ARHGAP42: variants seen among roughly 807,000 people sequenced by gnomAD.
The protein encoded by ARHGAP42 is Rho GTPase activating protein 42, also known as rho GTPase-activating protein 42.
In ARHGAP42, 63 loss-of-function variants were observed where a neutral mutation model predicts 125.0. The observed-to-expected ratio is 0.50, with a 90% CI of 0.41 to 0.62. The LOEUF (loss-of-function observed/expected upper bound fraction) is 0.62, where lower values mean the gene tolerates loss of function less well. ARHGAP42 is among the 20% of genes least tolerant of loss of function. ARHGAP42 has a pLI of 0.00. For synonymous variants in ARHGAP42, 339 were observed against 351.0 expected (o/e 0.97, Z 0.38); for missense variants, 766 against 1,024.2 (o/e 0.75, Z 3.44).
chr11:100,779,557 C>CATACGTATAT (rs1160628506), intron 2 of ARHGAP42, among the ~76,000 whole-genome samples: 1 of 137,816 alleles, frequency 7.3e-6, no homozygotes, highest in Non-Finnish European at 1.5e-5. Context: ...TATACATATA[C>CATACGTATAT]ATACGTATAT....
intron 1 of ARHGAP42, among the ~76,000 whole-genome samples, chr11:100,712,822 CTG>C (rs1367351322): frequency 1.3e-5 from 2 of 152,138 alleles, no homozygotes; most frequent in African/African-American, 4.8e-5. Flanking sequence ...GAACAGTACT[CTG>C]TAAATAATTT....
chr11:100,815,007 A>C (rs1296963913), intron 3 of ARHGAP42, among the ~76,000 whole-genome samples: 1 of 152,214 alleles, frequency 6.6e-6, no homozygotes, highest in Non-Finnish European at 1.5e-5. Flanking sequence ...CATGGTGGAC[A>C]CTTCCCTTGG....
chr11:100,763,255 A>G lies in ARHGAP42; in HGVS notation c.155-7088A>G, dbSNP rs553162180. Among the ~76,000 whole-genome samples, 15 of 152,158 alleles carry G rather than the reference A, an allele frequency of 9.9e-5. No homozygotes were observed. In the South Asian group the frequency reaches 3.1e-3, roughly 32 times the overall value. On this transcript the variant is annotated intron_variant, in intron 1 of 23. Transcript: ENST00000298815. ...CTCGGCCTCCCAAAGTGCTGGGATT[A>G]TGGACGTGAGCCACTATGCCCAGCT...
intron 4 of ARHGAP42, among the ~76,000 whole-genome samples, chr11:100,861,016 A>G (rs1378864556): frequency 1.3e-5 from 2 of 152,210 alleles, no homozygotes; most frequent in African/African-American, 4.8e-5. Context: ...TTTCATGAAA[A>G]ACAGACATAG....
intron 3 of ARHGAP42, among the ~76,000 whole-genome samples, chr11:100,838,549 C>CA (rs1357876655): frequency 1.3e-5 from 2 of 151,640 alleles, no homozygotes; most frequent in East Asian, 3.9e-4. Context: ...TACAAAAAAT[C>CA]AAAAAAATTA....
chr11:100,827,645 G>A (rs1864555162), intron 3 of ARHGAP42, among the ~76,000 whole-genome samples: 1 of 152,250 alleles, frequency 6.6e-6, no homozygotes, highest in Non-Finnish European at 1.5e-5. Context: ...GGGGTAAGGT[G>A]TGGCTGGCCA....
At chr11:100,728,698 A>C (rs1861902487) in intron 1 of ARHGAP42, among the ~76,000 whole-genome samples, 1 of 138,298 alleles carries the variant, frequency 7.2e-6, no homozygotes, top group African/African-American at 2.7e-5. Flanking sequence ...AAGTGAAATT[A>C]TATGAATGAC....
At position 100,965,667 on chromosome 11, in the gene ARHGAP42, A is replaced by G. The variant is rs1591327183; in HGVS notation, c.1445-4A>G. On this transcript the variant is annotated splice_region_variant and splice_polypyrimidine_tract_variant and intron_variant, in intron 16 of 23. Coordinates refer to ENST00000298815, the MANE Select transcript of ARHGAP42 (RefSeq NM_152432.4). ...GAGCATTTGCAATCTTTTTTATGTA[A>G]CAGAATCTGATGATCAAAACTACAG... 6.5e-7 allele frequency: 1 copy of G among 1,549,566 alleles called. No homozygotes were observed. Among genetic ancestry groups the G allele is most frequent in the Non-Finnish European group, 8.7e-7 (1 of 1,146,516 alleles).
chr11:100,841,638 C>A (rs1295111897), intron 3 of ARHGAP42, among the ~76,000 whole-genome samples: 3 of 152,136 alleles, frequency 2.0e-5, no homozygotes, highest in Non-Finnish European at 4.4e-5. Flanking sequence ...CTCTATTTTC[C>A]ATTGCCTTCA....
rs532546626 is a variant in ARHGAP42, at chr11:100,781,264, TG to T, written c.250+10830del. Among the ~76,000 whole-genome samples the T allele has an allele frequency of 2.2e-3, 340 of 151,678 alleles. 2 individuals are homozygous for T. Among genetic ancestry groups the T allele is most frequent in the African/African-American group, 7.7e-3 (319 of 41,250 alleles). On this transcript the variant is annotated intron_variant, in intron 2 of 23. Transcript: ENST00000298815. Reference sequence around the variant, plus strand: ...TACTTTCTTTATGTACATGTGAGGGTGGGGAGGAACAACATGAACTGTTTTT... The same window carrying T: ...TACTTTCTTTATGTACATGTGAGGGTGGGAGGAACAACATGAACTGTTTTT...
rs1170187114 is a variant in ARHGAP42 at position 100,720,693 on chromosome 11, T to G, written c.154+32861T>G. On this transcript the variant is annotated intron_variant, in intron 1 of 23. Transcript: ENST00000298815. ...ATTGGTTGAGATAACCTTTTTTTTT[T>G]GAGAGCCTAACATTGACATGTAATA... 2.7e-5 allele frequency among the ~76,000 whole-genome samples: 4 copies of G among 150,008 alleles called. No individual in the cohort carries two copies. The East Asian group carries it at 5.8e-4, about 22-fold the overall frequency.
intron 1 of ARHGAP42, among the ~76,000 whole-genome samples, chr11:100,747,282 G>A (rs1862326708): frequency 6.6e-6 from 1 of 152,102 alleles, no homozygotes; most frequent in African/African-American, 2.4e-5. Context: ...TTAGTTTTTA[G>A]ACCAAAGAAA....
chr11:100,770,767 C>A (rs530185034), intron 2 of ARHGAP42, among the ~76,000 whole-genome samples: 45 of 152,328 alleles, frequency 3.0e-4, no homozygotes, highest in Non-Finnish European at 4.9e-4. Context: ...TTAGTAGACA[C>A]AGGATTTCAC....
intron 15 of ARHGAP42, 33 bp downstream of exon 15, chr11:100,961,801 G>T (rs371166855): frequency 6.6e-7 from 1 of 1,523,844 alleles, no homozygotes; most frequent in East Asian, 2.5e-5. Flanking sequence ...TACTCTGGAT[G>T]TAATCTCTGA....
At chr11:100,814,709 C>A (rs1183306418) in intron 3 of ARHGAP42, among the ~76,000 whole-genome samples, 1 of 152,080 alleles carries the variant, frequency 6.6e-6, no homozygotes, top group Non-Finnish European at 1.5e-5. Flanking sequence ...TTAAAACAAT[C>A]ATATCTCATG....
intron 4 of ARHGAP42, among the ~76,000 whole-genome samples, chr11:100,888,847 G>C (rs949125232): frequency 6.6e-6 from 1 of 152,140 alleles, no homozygotes; most frequent in African/African-American, 2.4e-5. Flanking sequence ...TTGTCACCTT[G>C]TCATATTGTG....
intron 4 of ARHGAP42, among the ~76,000 whole-genome samples, chr11:100,881,441 C>T (rs1049483892): frequency 2.0e-5 from 3 of 152,242 alleles, no homozygotes; most frequent in East Asian, 1.9e-4. Flanking sequence ...GTCTATGTGC[C>T]TATTTTTATA....
intron 1 of ARHGAP42, among the ~76,000 whole-genome samples, chr11:100,730,033 A>T (rs191928051): frequency 2.4e-4 from 36 of 151,246 alleles, no homozygotes; most frequent in Admixed American, 1.4e-3. Flanking sequence ...CTGGTGTCAA[A>T]CTCCTGACTT....
intron 6 of ARHGAP42, among the ~76,000 whole-genome samples, chr11:100,929,759 T>G (rs929579679): frequency 6.6e-6 from 1 of 152,236 alleles, no homozygotes; most frequent in African/African-American, 2.4e-5. Flanking sequence ...GTTATTTGTC[T>G]TTTTATTATT....
Sources: gnomAD v4.1 joint callset for allele counts (sites outside exome capture counted in the v4.1 genomes callset) on GRCh38, gnomAD v4.1.1 for gene constraint, MANE v1.5 for transcripts, NCBI Gene and HGNC (gene_info 2026-07-23, HGNC 2026-07-21) for gene names.